Variants in TMEM30B observed in about 807,000 individuals in gnomAD.
The protein encoded by TMEM30B is cell division cycle 50 P4-ATPase accessory subunit B.
A neutral mutation model predicts 27.9 loss-of-function variants in TMEM30B; 25 were observed. The observed-to-expected ratio is 0.89, with a 90% CI of 0.65 to 1.25. The LOEUF (loss-of-function observed/expected upper bound fraction) is 1.25. TMEM30B is among the 50% of genes most tolerant of loss of function. TMEM30B has a pLI of 0.00. For synonymous variants in TMEM30B, 248 were observed against 238.5 expected (o/e 1.04, Z -0.37); for missense variants, 536 against 506.5 (o/e 1.06, Z -0.56).
Position 61,279,904 on chromosome 14 carries a change from T to C in TMEM30B, c.*188A>G. ...TGTTTCACTCTGCAGTCAACATCCC[T>C]CCCCGCGGCAAGACAGTCTAGCAGC... On this transcript the variant is annotated 3_prime_UTR_variant, in exon 1 of 1. Coordinates refer to ENST00000555868, the MANE Select transcript of TMEM30B (RefSeq NM_001017970.3). 1 of 599,618 alleles carries C rather than the reference T, an allele frequency of 1.7e-6. No homozygotes were observed. The highest frequency in any genetic ancestry group is 2.9e-6 in the Non-Finnish European group (1 of 340,592). The allele number at this position is 599,618 out of a possible 1,614,324, so 37.1% of individuals were successfully genotyped here.
Position 61,278,786 on chromosome 14 carries a change from TTTTAG to T in TMEM30B, c.*1301_*1305del, listed in dbSNP as rs1406449890. On this transcript the variant is annotated 3_prime_UTR_variant, in exon 1 of 1. Transcript: ENST00000555868. ...TTAATCAATAAAATCAATGGAATGA[TTTTAG>T]TTGAGTGTAAACTTCATCTCAAAGG... 1 of 152,204 alleles carries T rather than the reference TTTTAG, an allele frequency of 6.6e-6. No homozygotes were observed. The highest frequency in any genetic ancestry group is 6.5e-5 in the Admixed American group (1 of 15,272). 9.4% of individuals were successfully genotyped at this position (152,204 alleles called of 1,614,324 possible).
rs1228900260 is a variant in TMEM30B, at chr14:61,279,427, G to A, written c.*665C>T. 2 of 152,198 alleles carry A rather than the reference G, an allele frequency of 1.3e-5. No individual in the cohort carries two copies. The highest frequency in any genetic ancestry group is 2.9e-5 in the Non-Finnish European group (2 of 68,056). The allele number at this position is 152,198 out of a possible 1,614,324, so 9.4% of individuals were successfully genotyped here. On this transcript the variant is annotated 3_prime_UTR_variant, in exon 1 of 1. Transcript: ENST00000555868. ...CAGTTGACTGCTTCAGGCCCAACCT[G>A]GTTCAGGGTCGTGATTCCCAAATTT...
rs1452331563 is a variant in TMEM30B at position 61,280,296 on chromosome 14, G to A, written c.852C>T (p.Arg284=). The change falls in exon 1 of 1, where the codon CGC becomes CGT. Residue 284 remains arginine (R), a synonymous_variant. Coordinates refer to ENST00000555868, the MANE Select transcript of TMEM30B (RefSeq NM_001017970.3). The surrounding 1 kb of genome is among the most constrained non-coding windows in gnomAD (Gnocchi z 5.0). ...CCGGGTAGTTGTAGGTGATGTTGACGCGGTAGGCGCCCCGCGGCAGCCCGG... is the reference window on the plus strand; with the variant it reads ...CCGGGTAGTTGTAGGTGATGTTGACACGGTAGGCGCCCCGCGGCAGCCCGG... ...YSAGLPRGAY[R]VNITYNYPVR... 1.2e-6 allele frequency: 2 copies of A among 1,613,808 alleles called. No individual in the cohort carries two copies. The highest frequency in any genetic ancestry group is 1.7e-5 in the Admixed American group (1 of 60,000).
In TMEM30B at chr14:61,280,012, G is replaced by T; in HGVS notation, c.*80C>A. ...AAAAGCTAGGCGAGGTTGGAATTGGGTGACGGGCGAGGAGGAGATGCCAAA... is the reference window on the plus strand; with the variant it reads ...AAAAGCTAGGCGAGGTTGGAATTGGTTGACGGGCGAGGAGGAGATGCCAAA... On this transcript the variant is annotated 3_prime_UTR_variant, in exon 1 of 1. Coordinates refer to ENST00000555868, the MANE Select transcript of TMEM30B (RefSeq NM_001017970.3). The surrounding 1 kb of genome is among the most constrained non-coding windows in gnomAD (Gnocchi z 5.0). 1.6e-6 allele frequency: 2 copies of T among 1,263,740 alleles called. No individual in the cohort carries two copies. Among genetic ancestry groups the T allele is most frequent in the Non-Finnish European group, 2.2e-6 (2 of 922,764 alleles). The allele number at this position is 1,263,740 out of a possible 1,614,324, so 78.3% of individuals were successfully genotyped here.
At position 61,280,884 on chromosome 14, in the gene TMEM30B, C is replaced by A. The variant is rs2045256606; in HGVS notation, c.264G>T (p.Leu88=). The part of the protein sequence containing the change: ...VCAAAGQGRA[L]PPPCSCAWYF... Reference sequence around the variant, plus strand: ...ACCAGGCGCACGAGCAGGGGGGCGGCAGCGCCCGGCCCTGGCCAGCCGCGG... The same window carrying A: ...ACCAGGCGCACGAGCAGGGGGGCGGAAGCGCCCGGCCCTGGCCAGCCGCGG... The change falls in exon 1 of 1, where the codon CTG becomes CTT. Residue 88 remains leucine, a synonymous_variant. Coordinates refer to ENST00000555868, the MANE Select transcript of TMEM30B (RefSeq NM_001017970.3). The surrounding 1 kb of genome is among the most constrained non-coding windows in gnomAD (Gnocchi z 5.0). 2 of 1,555,302 alleles carry A rather than the reference C, an allele frequency of 1.3e-6. No homozygotes were observed. The highest frequency in any genetic ancestry group is 2.7e-5 in the African/African-American group (2 of 73,602).
chr14:61,280,135 A>G lies in TMEM30B; in HGVS notation c.1013T>C (p.Val338Ala). The G allele has an allele frequency of 6.2e-7, 1 of 1,613,922 alleles. No homozygotes were observed. The highest frequency in any genetic ancestry group is 8.5e-7 in the Non-Finnish European group (1 of 1,179,912). Residue 338 changes from valine to alanine, a missense_variant, in exon 1 of 1, where the codon GTC becomes GCC. By Grantham distance (64) the Val-to-Ala change is moderately conservative. Coordinates refer to ENST00000555868, the MANE Select transcript of TMEM30B (RefSeq NM_001017970.3). The surrounding 1 kb of genome is among the most constrained non-coding windows in gnomAD (Gnocchi z 5.0). Reference protein sequence around the residue: ...CILTGFVMLVVYIRYQDQDDD... With the variant: ...CILTGFVMLVAYIRYQDQDDD... ...GTCCTGGTCCTGGTAGCGAATGTAG[A>G]CGACCAGCATGACAAAGCCGGTGAG... is the stretch of plus-strand genomic sequence containing the variant.
Position 61,280,470 on chromosome 14 carries a change from C to T in TMEM30B, c.678G>A (p.Pro226=), listed in dbSNP as rs199714764. The change falls in exon 1 of 1, where the codon CCG becomes CCA. Residue 226 remains proline, a synonymous_variant. Transcript: ENST00000555868. This position sits in a 1 kb window ranked among gnomAD's most constrained non-coding sequence, Gnocchi z 5.0. ...LALAFQGTAP[P]PNWRRPVYEL... is the part of the protein sequence containing the mutation. ...CGTAGACTGGCCGGCGCCAGTTGGGCGGGGGCGCCGTGCCCTGGAAGGCCA... is the reference window on the plus strand; with the variant it reads ...CGTAGACTGGCCGGCGCCAGTTGGGTGGGGGCGCCGTGCCCTGGAAGGCCA... 1.1e-4 allele frequency: 182 copies of T among 1,613,240 alleles called. No homozygotes were observed. Among genetic ancestry groups the T allele is most frequent in the Non-Finnish European group, 7.5e-5 (89 of 1,179,710 alleles).
Position 61,280,665 on chromosome 14 carries a change from G to C in TMEM30B, c.483C>G (p.Pro161=). The C allele has an allele frequency of 6.4e-7, 1 of 1,571,564 alleles. No homozygotes were observed. The highest frequency in any genetic ancestry group is 8.6e-7 in the Non-Finnish European group (1 of 1,160,052). Reference sequence around the variant, plus strand: ...AGAGGCTGTTGGCGATGGCGCCGCAGGGCGCGATGGGCAGGCCGGCCGCGC... The same window carrying C: ...AGAGGCTGTTGGCGATGGCGCCGCACGGCGCGATGGGCAGGCCGGCCGCGC... The part of the protein sequence containing the change: ...QRSAAGLPIA[P]CGAIANSLFN... Residue 161 remains proline, a synonymous_variant, in exon 1 of 1, where the codon CCC becomes CCG. Transcript: ENST00000555868. The surrounding 1 kb of genome is among the most constrained non-coding windows in gnomAD (Gnocchi z 5.0).
At position 61,279,990 on chromosome 14, in the gene TMEM30B, A is replaced by G. The variant is rs1038985041; in HGVS notation, c.*102T>C. ...TCCCCTCATTCACAAAGGGAGGAAA[A>G]GCTAGGCGAGGTTGGAATTGGGTGA... On this transcript the variant is annotated 3_prime_UTR_variant, in exon 1 of 1. Coordinates refer to ENST00000555868, the MANE Select transcript of TMEM30B (RefSeq NM_001017970.3). 14 of 1,030,034 alleles carry G rather than the reference A, an allele frequency of 1.4e-5. No homozygotes were observed. Among genetic ancestry groups the G allele is most frequent in the Non-Finnish European group, 2.0e-5 (14 of 714,818 alleles). 63.8% of individuals were successfully genotyped at this position (1,030,034 alleles called of 1,614,324 possible).
Position 61,279,773 on chromosome 14 carries a change from T to G in TMEM30B, c.*319A>C. 1 of 295,692 alleles carries G rather than the reference T, an allele frequency of 3.4e-6. No individual in the cohort carries two copies. The highest frequency in any genetic ancestry group is 7.0e-5 in the East Asian group (1 of 14,296). The allele number at this position is 295,692 out of a possible 1,614,324, so 18.3% of individuals were successfully genotyped here. A position where few individuals can be genotyped will look rare whatever the true frequency, so the allele number is the denominator to read the frequency against. Reference sequence around the variant, plus strand: ...TAGGTCTCTCAATCTCTTCCTCTAATAGGGGTTTAATAGGAGTCTCCATAG... The same window carrying G: ...TAGGTCTCTCAATCTCTTCCTCTAAGAGGGGTTTAATAGGAGTCTCCATAG... On this transcript the variant is annotated 3_prime_UTR_variant, in exon 1 of 1. Transcript: ENST00000555868.
chr14:61,280,565 C>T lies in TMEM30B; in HGVS notation c.583G>A (p.Gly195Ser), dbSNP rs1220692840. 2 of 1,607,068 alleles carry T rather than the reference C, an allele frequency of 1.2e-6. No homozygotes were observed. The highest frequency in any genetic ancestry group is 1.7e-6 in the Non-Finnish European group (2 of 1,177,252). Residue 195 changes from glycine (G) to serine (S), a missense_variant, in exon 1 of 1, where the codon GGC becomes AGC. Transcript: ENST00000555868. The surrounding 1 kb of genome is among the most constrained non-coding windows in gnomAD (Gnocchi z 5.0). ...PYVEVPLDRS[G>S]IAWWTDYHVK... ...TGGTAGTCGGTCCACCAGGCGATGC[C>T]GGAGCGGTCGAGCGGCACCTCGACG...
Position 61,280,394 on chromosome 14 carries a change from C to G in TMEM30B, c.754G>C (p.Val252Leu). The stretch of plus-strand genomic sequence containing the variant: ...GGCAGCGCCGCCGTGCGCATCCACA[C>G]CACGAAGTCCTGATTGATGAAGCCG... ...NTGFINQDFV[V>L]WMRTAALPTF... Residue 252 changes from valine to leucine, a missense_variant, in exon 1 of 1, where the codon GTG (valine) becomes CTG (leucine). By Grantham distance (32) the Val-to-Leu change is conservative (BLOSUM62 1). Coordinates refer to ENST00000555868, the MANE Select transcript of TMEM30B (RefSeq NM_001017970.3). The surrounding 1 kb of genome is among the most constrained non-coding windows in gnomAD (Gnocchi z 5.0). 1 of 1,614,030 alleles carries G rather than the reference C, an allele frequency of 6.2e-7. No individual in the cohort carries two copies. Among genetic ancestry groups the G allele is most frequent in the Non-Finnish European group, 8.5e-7 (1 of 1,179,906 alleles).
chr14:61,280,304 C>G lies in TMEM30B; in HGVS notation c.844G>C (p.Ala282Pro), dbSNP rs778232094. The G allele has an allele frequency of 6.2e-7, 1 of 1,613,890 alleles. No homozygotes were observed. The highest frequency in any genetic ancestry group is 8.5e-7 in the Non-Finnish European group (1 of 1,179,968). ...GNYSAGLPRG[A>P]YRVNITYNYP... ...TTGTAGGTGATGTTGACGCGGTAGG[C>G]GCCCCGCGGCAGCCCGGCCGAGTAG... Residue 282 changes from alanine (A) to proline (P), a missense_variant, in exon 1 of 1, where the codon GCC becomes CCC. Coordinates refer to ENST00000555868, the MANE Select transcript of TMEM30B (RefSeq NM_001017970.3). This position sits in a 1 kb window ranked among gnomAD's most constrained non-coding sequence, Gnocchi z 5.0.
rs979697561 is a variant in TMEM30B at position 61,280,874 on chromosome 14, AG to A, written c.273del (p.Cys92AlafsTer23). On this transcript the variant is annotated frameshift_variant, in exon 1 of 1. Transcript: ENST00000555868. LOFTEE classifies it high-confidence loss of function. The surrounding 1 kb of genome is among the most constrained non-coding windows in gnomAD (Gnocchi z 5.0). The part of the protein sequence containing the change: ...AAGQGRALPP[P>X]CSCAWYFSLP... ...AGCGAGAAGTACCAGGCGCACGAGC[AG>A]GGGGGCGGCAGCGCCCGGCCCTGGC... is the stretch of plus-strand genomic sequence containing the variant. The A allele has an allele frequency of 4.5e-6, 7 of 1,564,824 alleles. No homozygotes were observed. Among genetic ancestry groups the A allele is most frequent in the African/African-American group, 2.7e-5 (2 of 73,696 alleles).
rs192586437 is a variant in TMEM30B at position 61,280,035 on chromosome 14, A to G, written c.*57T>C. ...GGGTGACGGGCGAGGAGGAGATGCC[A>G]AAAGCACCTTGCAAGAGTTTTGGCA... On this transcript the variant is annotated 3_prime_UTR_variant, in exon 1 of 1. Coordinates refer to ENST00000555868, the MANE Select transcript of TMEM30B (RefSeq NM_001017970.3). The surrounding 1 kb of genome is among the most constrained non-coding windows in gnomAD (Gnocchi z 5.0). 2.0e-5 allele frequency: 29 copies of G among 1,473,310 alleles called. No individual in the cohort carries two copies. The highest frequency in any genetic ancestry group is 2.6e-5 in the Non-Finnish European group (29 of 1,099,298). The allele number at this position is 1,473,310 out of a possible 1,614,324, so 91.3% of individuals were successfully genotyped here. A position where few individuals can be genotyped will look rare whatever the true frequency, so the allele number is the denominator to read the frequency against.
chr14:61,280,366 G>C lies in TMEM30B; in HGVS notation c.782C>G (p.Thr261Arg), dbSNP rs1325864515. 4 of 1,613,874 alleles carry C rather than the reference G, an allele frequency of 2.5e-6. No homozygotes were observed. Among genetic ancestry groups the C allele is most frequent in the African/African-American group, 1.3e-5 (1 of 74,944 alleles). Reference protein sequence around the residue: ...VVWMRTAALPTFRKLYARIRQ... With the variant: ...VVWMRTAALPRFRKLYARIRQ... Reference sequence around the variant, plus strand: ...GATGCGCGCGTACAGTTTGCGGAACGTGGGCAGCGCCGCCGTGCGCATCCA... The same window carrying C: ...GATGCGCGCGTACAGTTTGCGGAACCTGGGCAGCGCCGCCGTGCGCATCCA... The change falls in exon 1 of 1, where the codon ACG becomes AGG. Residue 261 changes from threonine (T) to arginine (R), a missense_variant. By Grantham distance (71) the Thr-to-Arg change is moderately conservative. Transcript: ENST00000555868. This position sits in a 1 kb window ranked among gnomAD's most constrained non-coding sequence, Gnocchi z 5.0.
chr14:61,281,179 A>T lies in TMEM30B; in HGVS notation c.-32T>A. 1 of 1,269,014 alleles carries T rather than the reference A, an allele frequency of 7.9e-7. No homozygotes were observed. Among genetic ancestry groups the T allele is most frequent in the Non-Finnish European group, 1.0e-6 (1 of 1,003,238 alleles). The allele number at this position is 1,269,014 out of a possible 1,614,324, so 78.6% of individuals were successfully genotyped here. A position where few individuals can be genotyped will look rare whatever the true frequency, so the allele number is the denominator to read the frequency against. ...CGCGCGGGGACCGACGCGCGGGCTG[A>T]CCGAGTGGGGGCCCCGCCGCGGGGC... is the stretch of plus-strand genomic sequence containing the variant. On this transcript the variant is annotated 5_prime_UTR_variant, in exon 1 of 1. Coordinates refer to ENST00000555868, the MANE Select transcript of TMEM30B (RefSeq NM_001017970.3).
At position 61,280,360 on chromosome 14, in the gene TMEM30B, C is replaced by A. The variant is rs1472635881; in HGVS notation, c.788G>T (p.Arg263Leu). ...CTGGCGGATGCGCGCGTACAGTTTG[C>A]GGAACGTGGGCAGCGCCGCCGTGCG... ...WMRTAALPTF[R>L]KLYARIRQGN... Residue 263 changes from arginine to leucine, a missense_variant, in exon 1 of 1, where the codon CGC (arginine) becomes CTC (leucine). Arg to Leu is a moderately radical substitution (Grantham distance 102). Coordinates refer to ENST00000555868, the MANE Select transcript of TMEM30B (RefSeq NM_001017970.3). This position sits in a 1 kb window ranked among gnomAD's most constrained non-coding sequence, Gnocchi z 5.0. 1 of 1,613,958 alleles carries A rather than the reference C, an allele frequency of 6.2e-7. No homozygotes were observed.
Position 61,280,567 on chromosome 14 carries a change from G to T in TMEM30B, c.581C>A (p.Ser194Tyr). 6.2e-7 allele frequency: 1 copy of T among 1,604,744 alleles called. No individual in the cohort carries two copies. Residue 194 changes from serine to tyrosine, a missense_variant, in exon 1 of 1, where the codon TCC becomes TAC. Physicochemically the swap from Ser to Tyr is moderately radical, Grantham distance 144. Coordinates refer to ENST00000555868, the MANE Select transcript of TMEM30B (RefSeq NM_001017970.3). This position sits in a 1 kb window ranked among gnomAD's most constrained non-coding sequence, Gnocchi z 5.0. ...GPYVEVPLDR[S>Y]GIAWWTDYHV... Reference sequence around the variant, plus strand: ...GTAGTCGGTCCACCAGGCGATGCCGGAGCGGTCGAGCGGCACCTCGACGTA... The same window carrying T: ...GTAGTCGGTCCACCAGGCGATGCCGTAGCGGTCGAGCGGCACCTCGACGTA...
Sources: allele counts gnomAD v4.1 joint callset, GRCh38; gene constraint gnomAD v4.1.1; non-coding constraint Gnocchi (gnomAD v3.1); transcripts MANE v1.5; gene names NCBI Gene and HGNC (gene_info 2026-07-23, HGNC 2026-07-21).